Variants in BCL11B observed in about 807,000 individuals in gnomAD.
The protein encoded by BCL11B is BCL11 transcription factor B.
A neutral mutation model predicts 49.9 loss-of-function variants in BCL11B; 8 were observed. The ratio of observed to expected loss-of-function variants is 0.16; its 90% CI spans 0.09 to 0.29. The LOEUF (loss-of-function observed/expected upper bound fraction) is 0.29. Ranked by LOEUF, BCL11B falls within the 10% of genes least tolerant of loss-of-function variation. The pLI is 1.00. For missense variants in BCL11B, 1,006 were observed against 1,351.0 expected (o/e 0.74, Z 4.00); for synonymous variants, 739 against 637.4 (o/e 1.16, Z -2.40).
chr14:99,172,295 G>C lies in BCL11B; in HGVS notation c.*1856C>G, dbSNP rs543369492. 36 of 226,554 alleles carry C rather than the reference G, an allele frequency of 1.6e-4. 1 individual carries two copies. The South Asian group carries it at 6.6e-3, about 42-fold the overall frequency. 14.0% of individuals were successfully genotyped at this position (226,554 alleles called of 1,614,324 possible). On this transcript the variant is annotated 3_prime_UTR_variant, in exon 4 of 4. Transcript: ENST00000357195. ...AAGCAGCGTTGTCCCAAAAACAAAA[G>C]GGGCTGAGGATAATTCAGCTAATGG...
At position 99,229,612 on chromosome 14, in the gene BCL11B, C is replaced by T. The variant is rs528528894; in HGVS notation, c.640+1733G>A. Among the ~76,000 whole-genome samples the T allele has an allele frequency of 5.3e-5, 8 of 152,294 alleles. No individual in the cohort carries two copies. The East Asian group carries it at 9.7e-4, about 18-fold the overall frequency. ...AAGCAGGCCTGGCCACATGAGGGAG[C>T]GGCTCAGTCCTCTAGCTGAGTCTCA... On this transcript the variant is annotated intron_variant, in intron 3 of 3. Transcript: ENST00000357195.
intron 2 of BCL11B, among the ~76,000 whole-genome samples, chr14:99,244,088 AG>A (rs1480990196): frequency 9.2e-5 from 14 of 152,324 alleles, no homozygotes; most frequent in African/African-American, 2.9e-4. Flanking sequence ...GTTCTCCTCG[AG>A]GAAGATCCTG....
intron 1 of BCL11B, among the ~76,000 whole-genome samples, chr14:99,269,524 C>G (rs113703152): frequency 5.4e-4 from 82 of 150,484 alleles, no homozygotes; most frequent in Admixed American, 2.4e-3. Flanking sequence ...TTCCCCCCCC[C>G]CCAAAAAAAA....
At chr14:99,196,110 G>A (rs930557932) in intron 3 of BCL11B, among the ~76,000 whole-genome samples, 9 of 152,242 alleles carry the variant, frequency 5.9e-5, no homozygotes, top group Middle Eastern at 3.4e-3. Flanking sequence ...GGGGCTGTCC[G>A]GCATAATATA....
At chr14:99,197,273 A>C (rs960155867) in intron 3 of BCL11B, among the ~76,000 whole-genome samples, 1 of 152,186 alleles carries the variant, frequency 6.6e-6, no homozygotes, top group African/African-American at 2.4e-5. Flanking sequence ...ACCCCAGGAC[A>C]GAAGGGGACA....
At chr14:99,199,591 T>A (rs1887280833) in intron 3 of BCL11B, among the ~76,000 whole-genome samples, 1 of 151,916 alleles carries the variant, frequency 6.6e-6, no homozygotes, top group Admixed American at 6.6e-5. Flanking sequence ...GCATAATTGA[T>A]TCTTTTTGAC....
chr14:99,183,527 C>T (rs1310715311), intron 3 of BCL11B, among the ~76,000 whole-genome samples: 3 of 152,060 alleles, frequency 2.0e-5, no homozygotes, highest in South Asian at 4.1e-4. Flanking sequence ...TCCAGACCCA[C>T]TTCAAAGCCC....
chr14:99,254,863 T>C (rs1235680548), intron 2 of BCL11B, among the ~76,000 whole-genome samples: 1 of 151,880 alleles, frequency 6.6e-6, no homozygotes, highest in African/African-American at 2.4e-5. Context: ...GCTTTACACA[T>C]GAATTGACAC....
chr14:99,199,125 C>T (rs1410005369), intron 3 of BCL11B, among the ~76,000 whole-genome samples: 1 of 152,124 alleles, frequency 6.6e-6, no homozygotes, highest in Non-Finnish European at 1.5e-5. Flanking sequence ...TGTTCATTAC[C>T]GAATTATTCG....
intron 3 of BCL11B, among the ~76,000 whole-genome samples, chr14:99,200,439 G>C (rs1404715582): frequency 6.6e-6 from 1 of 152,228 alleles, no homozygotes; most frequent in Non-Finnish European, 1.5e-5. Flanking sequence ...CCAGATCACA[G>C]GCACAGGCAC....
At chr14:99,222,681 T>G (rs891352668) in intron 3 of BCL11B, among the ~76,000 whole-genome samples, 1 of 152,130 alleles carries the variant, frequency 6.6e-6, no homozygotes, top group Admixed American at 6.6e-5. Context: ...GGAAGCTTGT[T>G]GTCAGCAGGC....
chr14:99,197,916 G>A (rs555762306), intron 3 of BCL11B, among the ~76,000 whole-genome samples: 13 of 152,196 alleles, frequency 8.5e-5, no homozygotes, highest in Non-Finnish European at 1.9e-4. Flanking sequence ...CGCAAGCCAG[G>A]TATGGAAATC....
chr14:99,271,313 C>G lies in BCL11B; in HGVS notation c.-95G>C. The G allele has an allele frequency of 5.6e-6, 5 of 898,038 alleles. No homozygotes were observed. Among genetic ancestry groups the G allele is most frequent in the Non-Finnish European group, 7.2e-6 (5 of 691,472 alleles). 55.6% of individuals were successfully genotyped at this position (898,038 alleles called of 1,614,324 possible). A position where few individuals can be genotyped will look rare whatever the true frequency, so the allele number is the denominator to read the frequency against. ...AGCCGCCGCCGCGCCGCTGCCGCCGCTGCCGCCGCCGCCGCCGCCGCCGCA... is the reference window on the plus strand; with the variant it reads ...AGCCGCCGCCGCGCCGCTGCCGCCGGTGCCGCCGCCGCCGCCGCCGCCGCA... On this transcript the variant is annotated 5_prime_UTR_variant, in exon 1 of 4. Coordinates refer to ENST00000357195, the MANE Select transcript of BCL11B (RefSeq NM_138576.4).
At chr14:99,235,880 G>A (rs1170147670) in intron 2 of BCL11B, among the ~76,000 whole-genome samples, 2 of 126,364 alleles carry the variant, frequency 1.6e-5, no homozygotes, top group South Asian at 4.9e-4. Flanking sequence ...CAGCTCATAG[G>A]AGAAGGGGGA....
chr14:99,245,864 A>T (rs1009655560), intron 2 of BCL11B, among the ~76,000 whole-genome samples: 13 of 151,822 alleles, frequency 8.6e-5, no homozygotes, highest in African/African-American at 2.2e-4. Context: ...GCCTCCATCC[A>T]TCTCCGCCGG....
chr14:99,227,876 C>T (rs1888202688), intron 3 of BCL11B, among the ~76,000 whole-genome samples: 1 of 152,036 alleles, frequency 6.6e-6, no homozygotes, highest in African/African-American at 2.4e-5. Flanking sequence ...AAAGCCCCAC[C>T]TTCCTTCAGC....
rs1886354828 is a variant in BCL11B, at chr14:99,173,434, G to C, written c.*717C>G. 1 of 218,366 alleles carries C rather than the reference G, an allele frequency of 4.6e-6. No individual in the cohort carries two copies. Among genetic ancestry groups the C allele is most frequent in the Non-Finnish European group, 9.2e-6 (1 of 108,598 alleles). The allele number at this position is 218,366 out of a possible 1,614,324, so 13.5% of individuals were successfully genotyped here. ...GAAAGCCGAAATCAACACAGAAAAG[G>C]CCGCTTGACTCGGGACGACATGAGT... On this transcript the variant is annotated 3_prime_UTR_variant, in exon 4 of 4. Coordinates refer to ENST00000357195, the MANE Select transcript of BCL11B (RefSeq NM_138576.4).
intron 3 of BCL11B, among the ~76,000 whole-genome samples, chr14:99,208,603 C>A (rs1423938206): frequency 1.3e-5 from 2 of 152,186 alleles, no homozygotes; most frequent in Non-Finnish European, 2.9e-5. Flanking sequence ...GGAAAGGGGG[C>A]CTTCAGGTTC....
chr14:99,234,918 C>T (rs2139899937), intron 2 of BCL11B, among the ~76,000 whole-genome samples: 1 of 148,118 alleles, frequency 6.8e-6, no homozygotes, highest in South Asian at 2.2e-4. Flanking sequence ...TCTTCTTAGG[C>T]TCCAAAACAG....
Sources: gnomAD v4.1 joint callset for allele counts (sites outside exome capture counted in the v4.1 genomes callset) on GRCh38, gnomAD v4.1.1 for gene constraint, MANE v1.5 for transcripts, NCBI Gene and HGNC (gene_info 2026-07-23, HGNC 2026-07-21) for gene names.